The following PROX1 variants were observed in gnomAD, a reference collection of about 807,000 sequenced individuals.
PROX1 encodes the protein prospero homeobox protein 1.
PROX1 carries 7 observed loss-of-function variants against 58.8 expected under a neutral mutation model. The observed-to-expected ratio is 0.12, with a 90% CI of 0.07 to 0.22. PROX1 has a LOEUF of 0.22. PROX1 is among the 10% of genes least tolerant of loss of function. PROX1 has a pLI of 1.00. For missense variants in PROX1, 675 were observed against 927.8 expected (o/e 0.73, Z 3.54); for synonymous variants, 350 against 358.3 (o/e 0.98, Z 0.26).
upstream of PROX1, among the ~76,000 whole-genome samples, chr1:213,983,555 C>G (rs1662751339): frequency 6.6e-6 from 1 of 152,226 alleles, no homozygotes; most frequent in African/African-American, 2.4e-5. Flanking sequence ...CATCTCACTC[C>G]CCTTGAGTTG....
rs186543350 is a variant in PROX1 at position 214,004,227 on chromosome 1, T to C, written c.1726-938T>C. ...ACCAGAGCCATCCCAGCTCTGAGTCTGCTGAGGAGTGCCAAGAATCTGGGG... is the reference window on the plus strand; with the variant it reads ...ACCAGAGCCATCCCAGCTCTGAGTCCGCTGAGGAGTGCCAAGAATCTGGGG... On this transcript the variant is annotated intron_variant, in intron 2 of 4. Transcript: ENST00000366958. Among the ~76,000 whole-genome samples, 71 of 152,338 alleles carry C rather than the reference T, an allele frequency of 4.7e-4. No individual in the cohort carries two copies. In the East Asian group the frequency reaches 8.3e-3, roughly 18 times the overall value.
intron 1 of PROX1, among the ~76,000 whole-genome samples, chr1:213,990,997 A>T (rs1663015562): frequency 6.6e-6 from 1 of 152,202 alleles, no homozygotes; most frequent in African/African-American, 2.4e-5. Context: ...TTCTATTCTG[A>T]TGCAAGATGT....
intron 1 of PROX1, among the ~76,000 whole-genome samples, chr1:213,995,369 T>C (rs1412420982): frequency 6.6e-6 from 1 of 152,220 alleles, no homozygotes; most frequent in Admixed American, 6.5e-5. Context: ...CAAGAAACAA[T>C]GGAAGTTCAT....
At chr1:213,984,817 G>A (rs6701990), upstream of PROX1, 1,766 of 152,976 alleles carry the variant, frequency 0.012, 33 homozygotes, top group African/African-American at 0.038. Context: ...GTCCACTTTT[G>A]CCTCTCAACT....
chr1:213,983,299 CA>C, upstream of PROX1: 1 of 152,380 alleles, frequency 6.6e-6, no homozygotes. Context: ...TCGGGAAGCA[CA>C]CGTGCCCTGG....
rs149858021 is a variant in PROX1, at chr1:214,019,607, C to A, written c.2028+7892C>A. 4.1e-3 allele frequency among the ~76,000 whole-genome samples: 620 copies of A among 152,318 alleles called. 5 individuals are homozygous for A. The highest frequency in any genetic ancestry group is 0.014 in the African/African-American group (600 of 41,566). On this transcript the variant is annotated intron_variant, in intron 4 of 4. Transcript: ENST00000366958. ...CCCTCAGGGCAGCAGCCGTCGTGGG[C>A]CATGGGAGGCCTCCCTGTGTGCGCA...
At chr1:214,007,232 C>G (rs997020605) in intron 3 of PROX1, among the ~76,000 whole-genome samples, 19 of 151,880 alleles carry the variant, frequency 1.3e-4, no homozygotes, top group South Asian at 8.3e-4. Flanking sequence ...AATGGAATAC[C>G]TGGGTGAATA....
At chr1:213,996,208 C>A (rs758446746) in intron 1 of PROX1, among the ~76,000 whole-genome samples, 1 of 151,888 alleles carries the variant, frequency 6.6e-6, no homozygotes, top group Non-Finnish European at 1.5e-5. Context: ...TCATTTTAGG[C>A]ATTTGTGAGA....
rs896925287 is a variant in PROX1 at position 213,997,778 on chromosome 1, G to C, written c.1243G>C (p.Val415Leu). ...CCAGCGCCTGCAGTGCTTTGGCGAC[G>C]TCATCATTCCGAACCCCCTGGACAC... ...ANQRLQCFGDVIIPNPLDTFG... is the reference protein window; with the variant it reads ...ANQRLQCFGDLIIPNPLDTFG... Residue 415 changes from valine (V) to leucine (L), a missense_variant, in exon 2 of 5, where the codon GTC (valine) becomes CTC (leucine). This residue lies in a region of PROX1 where 403 missense variants were observed against 477.4 expected (regional missense o/e 0.84). Transcript: ENST00000366958. The surrounding 1 kb of genome is among the most constrained non-coding windows in gnomAD (Gnocchi z 7.1). 3.7e-6 allele frequency: 6 copies of C among 1,614,214 alleles called. No homozygotes were observed. Among genetic ancestry groups the C allele is most frequent in the Non-Finnish European group, 5.1e-6 (6 of 1,180,034 alleles).
rs1165201668 is a variant in PROX1 at position 214,040,870 on chromosome 1, A to C, written c.*5036A>C. 5 of 152,060 alleles carry C rather than the reference A, an allele frequency of 3.3e-5. No homozygotes were observed. Among genetic ancestry groups the C allele is most frequent in the Non-Finnish European group, 7.4e-5 (5 of 67,990 alleles). 9.4% of individuals were successfully genotyped at this position (152,060 alleles called of 1,614,324 possible). On this transcript the variant is annotated 3_prime_UTR_variant, in exon 5 of 5. Transcript: ENST00000366958. ...TAATTTATCCTAATTTATTTGATGA[A>C]GGTGTACAATTTTGTATTACCAAGG...
At position 214,038,167 on chromosome 1, in the gene PROX1, C is replaced by T. The variant is rs1444434372; in HGVS notation, c.*2333C>T. The T allele has an allele frequency of 6.6e-6, 1 of 152,116 alleles. No individual in the cohort carries two copies. Among genetic ancestry groups the T allele is most frequent in the Non-Finnish European group, 1.5e-5 (1 of 68,020 alleles). The allele number at this position is 152,116 out of a possible 1,614,324, so 9.4% of individuals were successfully genotyped here. A position where few individuals can be genotyped will look rare whatever the true frequency, so the allele number is the denominator to read the frequency against. ...GTGTGTTCACAACCAAATGTTGATG[C>T]CCTTATCTACTGATAATATCCTCTC... On this transcript the variant is annotated 3_prime_UTR_variant, in exon 5 of 5. Transcript: ENST00000366958.
At chr1:214,034,948 GTATTATTAT>G (rs142649945) in intron 4 of PROX1, among the ~76,000 whole-genome samples, 1 of 151,734 alleles carries the variant, frequency 6.6e-6, no homozygotes, top group African/African-American at 2.4e-5. Context: ...AAGTTAGTTT[GTATTATTAT>G]TATTATCAGC....
intron 4 of PROX1, 108 bp from the exon 5 acceptor site, chr1:214,035,541 C>A: frequency 9.5e-7 from 1 of 1,054,000 alleles, no homozygotes; most frequent in Non-Finnish European, 1.3e-6. Flanking sequence ...AATGCAGGTG[C>A]CATGTAAGCC....
rs769406780 is a variant in PROX1, at chr1:213,996,979, T to G, written c.444T>G (p.Thr148=). 2 of 1,614,014 alleles carry G rather than the reference T, an allele frequency of 1.2e-6. No homozygotes were observed. Among genetic ancestry groups the G allele is most frequent in the Non-Finnish European group, 1.7e-6 (2 of 1,180,022 alleles). ...GTCTTTCCCCTTTTGGCAGGCCTAC[T>G]ATGAGCCAGTTTGATATGGATCGCT... ...PECLSPFGRP[T]MSQFDMDRLC... The change falls in exon 2 of 5, where the codon ACT becomes ACG. Residue 148 remains threonine, a synonymous_variant. Coordinates refer to ENST00000366958, the MANE Select transcript of PROX1 (RefSeq NM_001270616.2).
rs1664835066 is a variant in PROX1, at chr1:214,036,520, A to G, written c.*686A>G. 1 of 152,210 alleles carries G rather than the reference A, an allele frequency of 6.6e-6. No homozygotes were observed. Among genetic ancestry groups the G allele is most frequent in the South Asian group, 2.1e-4 (1 of 4,834 alleles). 9.4% of individuals were successfully genotyped at this position (152,210 alleles called of 1,614,324 possible). On this transcript the variant is annotated 3_prime_UTR_variant, in exon 5 of 5. Transcript: ENST00000366958. ...AGGCAAAGCAATTTTGCACAAAACC[A>G]GCTCTCTCAAGATGAGACTAGAAAT...
chr1:214,014,720 C>T (rs1256262087), intron 4 of PROX1, among the ~76,000 whole-genome samples: 1 of 152,162 alleles, frequency 6.6e-6, no homozygotes, highest in Non-Finnish European at 1.5e-5. Flanking sequence ...CAGATCGAGC[C>T]AGGGAGAGAG....
intron 2 of PROX1, among the ~76,000 whole-genome samples, chr1:214,002,006 C>G (rs1663533172): frequency 6.6e-6 from 1 of 152,142 alleles, no homozygotes; most frequent in South Asian, 2.1e-4. Flanking sequence ...GGGAAAACCT[C>G]TTAGAAACTT....
rs1273546582 is a variant in PROX1 at position 213,988,135 on chromosome 1, C to T, written c.-416C>T. ...TCTGCTGCTCTCTCCTCTCCTCCCG[C>T]TCTTCTCTCTCCTCCTCTCCTGCTC... On this transcript the variant is annotated 5_prime_UTR_variant, in exon 1 of 5. Transcript: ENST00000366958. 11 of 148,340 alleles carry T rather than the reference C, an allele frequency of 7.4e-5. No homozygotes were observed. The highest frequency in any genetic ancestry group is 2.8e-4 in the African/African-American group (11 of 39,904). 9.2% of individuals were successfully genotyped at this position (148,340 alleles called of 1,614,324 possible).
chr1:214,029,387 T>G (rs1664568858), intron 4 of PROX1: 1 of 152,216 alleles, frequency 6.6e-6, no homozygotes, highest in South Asian at 2.1e-4. Context: ...AGTTTGGTTC[T>G]TCTTTTGTGC....
Sources: allele counts gnomAD v4.1 joint callset (sites outside exome capture counted in the v4.1 genomes callset), GRCh38; gene constraint gnomAD v4.1.1; regional missense constraint gnomAD v4.1.1; non-coding constraint Gnocchi (gnomAD v3.1); transcripts MANE v1.5; gene names NCBI Gene and HGNC (gene_info 2026-07-23, HGNC 2026-07-21).